DCDC1: variants seen among roughly 807,000 people sequenced by gnomAD.
DCDC1 encodes doublecortin domain-containing protein 1.
DCDC1 carries 200 observed loss-of-function variants against 178.3 expected under a neutral mutation model. That is an observed-to-expected ratio of 1.12 (90% CI 1.00 to 1.26). The LOEUF (loss-of-function observed/expected upper bound fraction) is 1.26. Ranked by LOEUF, DCDC1 falls within the 50% of genes most tolerant of loss-of-function variation. The probability of loss-of-function intolerance (pLI) is 0.00; values close to 1 mark genes in which losing one functional copy is unlikely to be tolerated. For missense variants in DCDC1, 1,983 were observed against 1,749.2 expected, an observed-to-expected ratio of 1.13 and a Z score of -2.38; for synonymous variants, 690 against 604.8, an observed-to-expected ratio of 1.14 and a Z score of -2.07.
At chr11:30,975,295 T>A (rs1290706417) in intron 20 of DCDC1, among the ~76,000 whole-genome samples, 1 of 151,956 alleles carries the variant, frequency 6.6e-6, no homozygotes, top group Non-Finnish European at 1.5e-5. Context: ...AAACATTACC[T>A]CTAAGAACTG....
At chr11:31,094,686 T>C (rs1591023884) in intron 15 of DCDC1, among the ~76,000 whole-genome samples, 2 of 152,094 alleles carry the variant, frequency 1.3e-5, no homozygotes, top group Admixed American at 1.3e-4. Flanking sequence ...AATCAATGTG[T>C]CTTAGGATCT....
chr11:31,006,092 GGC>G (rs1951831581), intron 20 of DCDC1, among the ~76,000 whole-genome samples: 1 of 151,502 alleles, frequency 6.6e-6, no homozygotes. Flanking sequence ...CATACTCTCA[GGC>G]ATCACTAATA....
intron 20 of DCDC1, among the ~76,000 whole-genome samples, chr11:30,978,828 C>A (rs437733): frequency 0.016 from 2,030 of 126,890 alleles, 46 homozygotes; most frequent in African/African-American, 0.042. Context: ...ACACACACAC[C>A]CCCTTCTCAG....
intron 7 of DCDC1, among the ~76,000 whole-genome samples, chr11:31,274,826 G>A (rs369495995): frequency 3.2e-4 from 49 of 151,524 alleles, no homozygotes; most frequent in African/African-American, 1.0e-3. Context: ...TCAGTCTCCC[G>A]AGTAGCTGGG....
At chr11:31,178,413 C>A (rs1188318329) in intron 9 of DCDC1, among the ~76,000 whole-genome samples, 1 of 152,092 alleles carries the variant, frequency 6.6e-6, no homozygotes, top group Non-Finnish European at 1.5e-5. Flanking sequence ...AATGTAAAGC[C>A]TGAAACTACT....
Position 30,878,792 on chromosome 11 carries a change from C to G in DCDC1, c.5234-81G>C. 15 of 1,347,082 alleles carry G rather than the reference C, an allele frequency of 1.1e-5. No individual in the cohort carries two copies. In the South Asian group the frequency reaches 2.2e-4, roughly 20 times the overall value. The allele number at this position is 1,347,082 out of a possible 1,614,324, so 83.4% of individuals were successfully genotyped here. ...ATTAAAAGTCCAGGATGATGAAAAACTTGAAGACCCCTCACAAATCCTTGG... is the reference window on the plus strand; with the variant it reads ...ATTAAAAGTCCAGGATGATGAAAAAGTTGAAGACCCCTCACAAATCCTTGG... On this transcript the variant is annotated intron_variant, in intron 37 of 38. Transcript: ENST00000684477.
intron 9 of DCDC1, among the ~76,000 whole-genome samples, chr11:31,194,529 C>A (rs158139): frequency 1.3e-5 from 2 of 151,748 alleles, no homozygotes; most frequent in East Asian, 3.9e-4. Context: ...ATAACTGAGA[C>A]CATATTTTTA....
At chr11:30,923,485 A>C (rs1328533879) in intron 23 of DCDC1, among the ~76,000 whole-genome samples, 1 of 149,284 alleles carries the variant, frequency 6.7e-6, no homozygotes, top group Non-Finnish European at 1.5e-5. Context: ...AAAGAAAGTG[A>C]TATATTGAGA....
At chr11:31,294,851 A>G (rs960972473) in intron 6 of DCDC1, among the ~76,000 whole-genome samples, 1 of 146,218 alleles carries the variant, frequency 6.8e-6, no homozygotes, top group Admixed American at 6.8e-5. Context: ...AGAAAGAAAG[A>G]AAGAAAGAAA....
intron 9 of DCDC1, among the ~76,000 whole-genome samples, chr11:31,227,517 A>G (rs188050314): frequency 3.3e-5 from 5 of 152,152 alleles, no homozygotes; most frequent in Non-Finnish European, 7.4e-5. Flanking sequence ...GGGGGAAAAA[A>G]ATACTAACTA....
At chr11:31,074,046 A>G (rs1956722364) in intron 18 of DCDC1, among the ~76,000 whole-genome samples, 1 of 152,170 alleles carries the variant, frequency 6.6e-6, no homozygotes, top group African/African-American at 2.4e-5. Flanking sequence ...AGTTGAACAT[A>G]AACAATTAGT....
intron 9 of DCDC1, among the ~76,000 whole-genome samples, chr11:31,159,672 G>T (rs1321379036): frequency 6.6e-6 from 1 of 152,204 alleles, no homozygotes; most frequent in East Asian, 1.9e-4. Context: ...ATCATCATTT[G>T]CAAGGTCAGA....
At chr11:31,211,888 C>G (rs1972580122) in intron 9 of DCDC1, among the ~76,000 whole-genome samples, 1 of 152,010 alleles carries the variant, frequency 6.6e-6, no homozygotes, top group South Asian at 2.1e-4. Flanking sequence ...CGAGACCATC[C>G]TGGCTAACAC....
chr11:31,081,469 G>A (rs1333269612), intron 17 of DCDC1, among the ~76,000 whole-genome samples: 2 of 152,074 alleles, frequency 1.3e-5, no homozygotes, highest in East Asian at 1.9e-4. Context: ...AATTAGCCGG[G>A]TGTGGTGGCA....
chr11:31,219,774 C>T (rs574521392), intron 9 of DCDC1, among the ~76,000 whole-genome samples: 76 of 152,152 alleles, frequency 5.0e-4, no homozygotes, highest in Middle Eastern at 3.4e-3. Context: ...AAGCCAGGCA[C>T]CATATAAGCA....
At chr11:31,077,650 A>G (rs1314656288) in intron 18 of DCDC1, among the ~76,000 whole-genome samples, 1 of 152,172 alleles carries the variant, frequency 6.6e-6, no homozygotes, top group Non-Finnish European at 1.5e-5. Flanking sequence ...TGAATTAGGA[A>G]AAATTATTTT....
At chr11:31,359,920 CCT>C (rs1465553072) in intron 1 of DCDC1, among the ~76,000 whole-genome samples, 3 of 152,106 alleles carry the variant, frequency 2.0e-5, no homozygotes, top group African/African-American at 7.2e-5. Flanking sequence ...TGAATTTTTG[CCT>C]CTGTCTCTTC....
Position 31,265,917 on chromosome 11 carries a change from AT to A in DCDC1, c.961-318del, listed in dbSNP as rs1945130515. Among the ~76,000 whole-genome samples the A allele has an allele frequency of 2.0e-5, 3 of 149,052 alleles. No homozygotes were observed. In the South Asian group the frequency reaches 6.3e-4, roughly 31 times the overall value. On this transcript the variant is annotated intron_variant, in intron 7 of 38. Coordinates refer to ENST00000684477, the MANE Select transcript of DCDC1 (RefSeq NM_001387274.1). Reference sequence around the variant, plus strand: ...TATTATTTATTATTATCTATTATCTATTAAATATCTATTATTTAATATCTAT... The same window carrying A: ...TATTATTTATTATTATCTATTATCTATAAATATCTATTATTTAATATCTAT...
chr11:31,241,427 A>G (rs1977120573), intron 9 of DCDC1, 23 bp downstream of exon 9: 1 of 396,258 alleles, frequency 2.5e-6, no homozygotes, highest in Non-Finnish European at 4.5e-6. Context: ...TAATAAAGAA[A>G]TTTTTAAAGA....
Sources: gnomAD v4.1 joint callset for allele counts (sites outside exome capture counted in the v4.1 genomes callset) on GRCh38, gnomAD v4.1.1 for gene constraint, MANE v1.5 for transcripts, NCBI Gene and HGNC (gene_info 2026-07-23, HGNC 2026-07-21) for gene names.